TGFBR3: variants seen among roughly 807,000 people sequenced by gnomAD.
TGFBR3 encodes transforming growth factor beta receptor 3.
In TGFBR3, 46 loss-of-function variants were observed where a neutral mutation model predicts 87.9. The ratio of observed to expected loss-of-function variants is 0.52; its 90% CI spans 0.41 to 0.67. The LOEUF (loss-of-function observed/expected upper bound fraction) is 0.67. TGFBR3 is among the 30% of genes least tolerant of loss of function. The pLI is 0.00. For synonymous variants in TGFBR3, 381 were observed against 391.6 expected (o/e 0.97, Z 0.32); for missense variants, 866 against 1,041.9 (o/e 0.83, Z 2.32).
intron 2 of TGFBR3, among the ~76,000 whole-genome samples, chr1:91,820,675 G>A (rs1257656804): frequency 6.6e-6 from 1 of 152,092 alleles, no homozygotes; most frequent in African/African-American, 2.4e-5. Context: ...GACACAGCGA[G>A]ACTCCGTCTA....
intron 12 of TGFBR3, among the ~76,000 whole-genome samples, chr1:91,714,910 A>G (rs1341689701): frequency 6.6e-6 from 1 of 152,262 alleles, no homozygotes; most frequent in African/African-American, 2.4e-5. Flanking sequence ...GGCAGAATCC[A>G]TATGATCAAG....
rs531311345 is a variant in TGFBR3 at position 91,798,852 on chromosome 1, T to C, written c.62-1381A>G. On this transcript the variant is annotated intron_variant, in intron 2 of 16. Coordinates refer to ENST00000212355, the MANE Select transcript of TGFBR3 (RefSeq NM_003243.5). ...ACCATTCCAGGGACTTGGATTTGGC[T>C]GTAGGGAATAAGGGAAATAGGCTGC... Among the ~76,000 whole-genome samples the C allele has an allele frequency of 3.2e-4, 48 of 152,222 alleles. 1 individual carries two copies. The highest frequency in any genetic ancestry group is 2.9e-4 in the Non-Finnish European group (20 of 68,038).
chr1:91,774,694 C>A (rs994959448), intron 3 of TGFBR3, among the ~76,000 whole-genome samples: 1 of 152,148 alleles, frequency 6.6e-6, no homozygotes, highest in Non-Finnish European at 1.5e-5. Context: ...TCGACTCATG[C>A]GGTGATTGGG....
intron 12 of TGFBR3, among the ~76,000 whole-genome samples, chr1:91,712,972 A>G (rs1020359212): frequency 1.3e-5 from 2 of 152,244 alleles, no homozygotes; most frequent in Non-Finnish European, 2.9e-5. Flanking sequence ...ACCAAAAAAT[A>G]GAGTTCAGCG....
At chr1:91,855,374 C>T (rs1419578296) in intron 2 of TGFBR3, among the ~76,000 whole-genome samples, 3 of 152,142 alleles carry the variant, frequency 2.0e-5, no homozygotes, top group East Asian at 3.9e-4. Context: ...CACAAGGGGC[C>T]AGTGATAACT....
At chr1:91,885,517 AAGCT>A (rs2101311326) in intron 1 of TGFBR3, among the ~76,000 whole-genome samples, 1 of 152,282 alleles carries the variant, frequency 6.6e-6, no homozygotes, top group East Asian at 1.9e-4. Context: ...ATTCCCACCG[AAGCT>A]GTCACGCGCC....
At chr1:91,763,088 G>A (rs284182) in intron 3 of TGFBR3, among the ~76,000 whole-genome samples, 125,485 of 152,184 alleles carry the variant, frequency 0.82, 51,789 homozygotes, top group African/African-American at 0.85. Flanking sequence ...AAACTCTGTA[G>A]ATTACTTTAT....
At chr1:91,745,104 T>C (rs1387963042) in intron 4 of TGFBR3, among the ~76,000 whole-genome samples, 1 of 152,160 alleles carries the variant, frequency 6.6e-6, no homozygotes, top group Non-Finnish European at 1.5e-5. Flanking sequence ...GCTATTCAGG[T>C]TACAGGCCCT....
chr1:91,743,995 C>A (rs1673245379), intron 4 of TGFBR3, among the ~76,000 whole-genome samples: 1 of 152,028 alleles, frequency 6.6e-6, no homozygotes, highest in Admixed American at 6.6e-5. Context: ...ATCCCTATCT[C>A]ATTAATTTTT....
chr1:91,750,925 T>C (rs1673518439), intron 4 of TGFBR3, among the ~76,000 whole-genome samples: 1 of 152,218 alleles, frequency 6.6e-6, no homozygotes, highest in South Asian at 2.1e-4. Flanking sequence ...TTCTCCAATT[T>C]TCACTATTAT....
chr1:91,834,356 A>C (rs575619290), intron 2 of TGFBR3, among the ~76,000 whole-genome samples: 1 of 152,386 alleles, frequency 6.6e-6, no homozygotes, highest in South Asian at 2.1e-4. Flanking sequence ...AAAATTGCAA[A>C]TAGTAACAGA....
At chr1:91,697,160 C>G (rs1671461398) in intron 15 of TGFBR3, among the ~76,000 whole-genome samples, 1 of 152,176 alleles carries the variant, frequency 6.6e-6, no homozygotes, top group Non-Finnish European at 1.5e-5. Context: ...TTTATACCCA[C>G]AGATGCAAAA....
At chr1:91,736,768 A>C (rs1250489541) in intron 4 of TGFBR3, among the ~76,000 whole-genome samples, 5 of 152,322 alleles carry the variant, frequency 3.3e-5, no homozygotes, top group African/African-American at 9.6e-5. Context: ...ACCAAAACCC[A>C]CAACAGTCCA....
At chr1:91,882,138 CTTTTT>C (rs533806602) in intron 1 of TGFBR3, among the ~76,000 whole-genome samples, 2 of 129,606 alleles carry the variant, frequency 1.5e-5, no homozygotes, top group Non-Finnish European at 3.2e-5. Flanking sequence ...AATTGAAAAC[CTTTTT>C]TTTTTTTTTT....
intron 3 of TGFBR3, among the ~76,000 whole-genome samples, chr1:91,765,793 C>T (rs191983065): frequency 3.3e-5 from 5 of 152,246 alleles, no homozygotes; most frequent in East Asian, 1.9e-4. Context: ...GAATTTTACA[C>T]GGGTTTGCAT....
intron 12 of TGFBR3, 114 bp downstream of exon 12, chr1:91,716,122 T>C (rs1672159126): frequency 1.6e-6 from 2 of 1,280,506 alleles, no homozygotes; most frequent in Non-Finnish European, 2.2e-6. Flanking sequence ...TCAGACCTGT[T>C]GAAGGTCTGT....
intron 3 of TGFBR3, among the ~76,000 whole-genome samples, chr1:91,791,386 G>A (rs1334205579): frequency 1.3e-5 from 2 of 152,056 alleles, no homozygotes; most frequent in African/African-American, 2.4e-5. Flanking sequence ...GCTCAGCCCT[G>A]CATTTTATAA....
intron 2 of TGFBR3, among the ~76,000 whole-genome samples, chr1:91,847,477 C>T (rs1010578749): frequency 2.0e-5 from 3 of 149,552 alleles, no homozygotes; most frequent in Non-Finnish European, 4.4e-5. Flanking sequence ...GTAGTGCATG[C>T]CTGTAATCCC....
chr1:91,832,459 C>G (rs1676885581), intron 2 of TGFBR3, among the ~76,000 whole-genome samples: 1 of 152,140 alleles, frequency 6.6e-6, no homozygotes. Flanking sequence ...GTGCAAGGGT[C>G]TCTTCTAAGC....
Sources: gnomAD v4.1 joint callset for allele counts (sites outside exome capture counted in the v4.1 genomes callset) on GRCh38, gnomAD v4.1.1 for gene constraint, MANE v1.5 for transcripts, NCBI Gene and HGNC (gene_info 2026-07-23, HGNC 2026-07-21) for gene names.